CEP112: variants seen among roughly 807,000 people sequenced by gnomAD.
CEP112 encodes centrosomal protein of 112 kDa.
In CEP112, 127 loss-of-function variants were observed where a neutral mutation model predicts 153.0. That is an observed-to-expected ratio of 0.83 (90% CI 0.72 to 0.96). CEP112 has a LOEUF of 0.96. Among genes scored for constraint, CEP112 ranks in the 40% least tolerant of loss-of-function variants. The probability of loss-of-function intolerance (pLI) is 0.00; values close to 1 mark genes in which losing one functional copy is unlikely to be tolerated. For missense variants in CEP112, 1,089 were observed against 1,101.2 expected (o/e 0.99, Z 0.16); for synonymous variants, 358 against 374.4 (o/e 0.96, Z 0.51).
intron 24 of CEP112, among the ~76,000 whole-genome samples, chr17:65,660,464 TTCCTTCCTTCCTTC>T (rs2046327028): frequency 1.4e-3 from 4 of 2,916 alleles, no homozygotes; most frequent in Middle Eastern, 0.17. Flanking sequence ...CTCTCTCTCC[TTCCTTCCTTCCTTC>T]CTTCCTTCCT....
At chr17:65,800,660 G>C (rs1310932900) in intron 21 of CEP112, among the ~76,000 whole-genome samples, 1 of 152,190 alleles carries the variant, frequency 6.6e-6, no homozygotes, top group African/African-American at 2.4e-5. Flanking sequence ...ATAATTCTAA[G>C]TTTAATTTTT....
intron 8 of CEP112, 120 bp from the exon 9 acceptor site, chr17:66,070,121 T>A: frequency 1.6e-6 from 1 of 611,734 alleles, no homozygotes; most frequent in Non-Finnish European, 2.9e-6. Context: ...CTTTACCTTG[T>A]AGTCACAGAT....
chr17:65,730,949 T>C (rs1442541491), intron 23 of CEP112, among the ~76,000 whole-genome samples: 1 of 152,000 alleles, frequency 6.6e-6, no homozygotes, highest in Non-Finnish European at 1.5e-5. Context: ...ACATGAAATC[T>C]CTGCTTGGAC....
intron 4 of CEP112, among the ~76,000 whole-genome samples, chr17:66,167,339 T>C (rs1044871899): frequency 4.6e-5 from 7 of 151,726 alleles, no homozygotes; most frequent in Non-Finnish European, 1.0e-4. Flanking sequence ...AGCTAACACT[T>C]AACAGGCCCT....
At chr17:65,866,395 C>T (rs573500949) in intron 20 of CEP112, among the ~76,000 whole-genome samples, 52 of 152,360 alleles carry the variant, frequency 3.4e-4, no homozygotes, top group Non-Finnish European at 6.0e-4. Flanking sequence ...CACTGGCCTG[C>T]GCCCCTTGGC....
intron 21 of CEP112, among the ~76,000 whole-genome samples, chr17:65,781,214 C>T (rs1050955673): frequency 6.6e-6 from 1 of 152,108 alleles, no homozygotes; most frequent in African/African-American, 2.4e-5. Context: ...CATTTCTATA[C>T]ACCAATAACA....
chr17:65,732,086 A>G (rs561555786), intron 23 of CEP112, among the ~76,000 whole-genome samples: 2 of 152,350 alleles, frequency 1.3e-5, no homozygotes, highest in African/African-American at 4.8e-5. Context: ...CAGAGGAATT[A>G]CCATCTATGG....
intron 11 of CEP112, among the ~76,000 whole-genome samples, chr17:66,062,012 TA>T (rs1204159795): frequency 1.3e-5 from 2 of 152,132 alleles, no homozygotes; most frequent in Non-Finnish European, 2.9e-5. Flanking sequence ...GATGGTTTTA[TA>T]AGTGTGTGGT....
At chr17:65,651,682 CTTCT>C (rs911130961) in intron 24 of CEP112, among the ~76,000 whole-genome samples, 1 of 144,088 alleles carries the variant, frequency 6.9e-6, no homozygotes, top group African/African-American at 2.6e-5. Context: ...TCCTTCCTTC[CTTCT>C]TTCCTTCCTT....
chr17:65,690,626 C>A (rs1230855648), intron 23 of CEP112, among the ~76,000 whole-genome samples: 2 of 151,942 alleles, frequency 1.3e-5, no homozygotes, highest in Non-Finnish European at 1.5e-5. Flanking sequence ...GAAGGCCCAG[C>A]TGGGCGAAGA....
chr17:65,881,120 C>T (rs2059053308), intron 20 of CEP112, among the ~76,000 whole-genome samples: 1 of 152,098 alleles, frequency 6.6e-6, no homozygotes, highest in African/African-American at 2.4e-5. Flanking sequence ...GAGGCTGAGG[C>T]AGGAGAATCA....
At chr17:65,750,223 GAAT>G (rs2051738167) in intron 22 of CEP112, among the ~76,000 whole-genome samples, 1 of 152,186 alleles carries the variant, frequency 6.6e-6, no homozygotes, top group Non-Finnish European at 1.5e-5. Context: ...ACTTAACCTA[GAAT>G]TATTTGTCAT....
intron 16 of CEP112, among the ~76,000 whole-genome samples, chr17:66,023,797 T>C (rs2065091744): frequency 6.6e-6 from 1 of 152,264 alleles, no homozygotes; most frequent in South Asian, 2.1e-4. Context: ...ATATTAGCCT[T>C]GAATGCAAAT....
chr17:65,870,820 G>A (rs1278247852), intron 20 of CEP112, among the ~76,000 whole-genome samples: 1 of 152,140 alleles, frequency 6.6e-6, no homozygotes, highest in Non-Finnish European at 1.5e-5. Flanking sequence ...TTTGGCCTTC[G>A]AAGAAGAATA....
At chr17:66,167,898 G>A (rs1365824940) in intron 4 of CEP112, among the ~76,000 whole-genome samples, 3 of 152,194 alleles carry the variant, frequency 2.0e-5, no homozygotes, top group African/African-American at 7.2e-5. Flanking sequence ...GCATGCAGTA[G>A]GAGATCCATA....
At chr17:65,976,600 T>C (rs1001222513) in intron 17 of CEP112, among the ~76,000 whole-genome samples, 2 of 152,156 alleles carry the variant, frequency 1.3e-5, no homozygotes, top group African/African-American at 4.8e-5. Context: ...GAATTTGTGA[T>C]AATTTTGACA....
At chr17:65,688,372 G>T (rs2047921459) in intron 24 of CEP112, 1 of 152,210 alleles carries the variant, frequency 6.6e-6, no homozygotes, top group South Asian at 2.1e-4. Flanking sequence ...TCACCAGCAG[G>T]TGGGTCCTGA....
intron 21 of CEP112, among the ~76,000 whole-genome samples, chr17:65,774,772 T>C (rs762243982): frequency 7.9e-5 from 12 of 152,052 alleles, no homozygotes; most frequent in Non-Finnish European, 1.3e-4. Context: ...AAGTAGCAAG[T>C]TTCTGCTGCA....
intron 16 of CEP112, among the ~76,000 whole-genome samples, chr17:66,016,603 C>T (rs181980469): frequency 7.9e-5 from 12 of 152,176 alleles, no homozygotes; most frequent in African/African-American, 2.9e-4. Context: ...GCCTGCTTCA[C>T]TGGTACTCTA....
Sources: allele counts gnomAD v4.1 joint callset (sites outside exome capture counted in the v4.1 genomes callset), GRCh38; gene constraint gnomAD v4.1.1; transcripts MANE v1.5; gene names NCBI Gene and HGNC (gene_info 2026-07-23, HGNC 2026-07-21).